Variants in PRKCA observed in about 807,000 individuals in gnomAD.
PRKCA encodes protein kinase C alpha type.
PRKCA carries 27 observed loss-of-function variants against 87.0 expected under a neutral mutation model. The ratio of observed to expected loss-of-function variants is 0.31; its 90% confidence interval spans 0.23 to 0.43. PRKCA has a LOEUF of 0.43. Ranked by LOEUF, PRKCA falls within the 20% of genes least tolerant of loss-of-function variation. PRKCA has a pLI of 1.00. For synonymous variants in PRKCA, 329 were observed against 311.1 expected (o/e 1.06, Z -0.61); for missense variants, 518 against 852.3 (o/e 0.61, Z 4.88).
chr17:66,707,661 C>T (rs1438472938), intron 8 of PRKCA, among the ~76,000 whole-genome samples: 1 of 152,188 alleles, frequency 6.6e-6, no homozygotes, highest in Non-Finnish European at 1.5e-5. Flanking sequence ...GTGTCAAGCA[C>T]TGTCCCTGGG....
intron 3 of PRKCA, among the ~76,000 whole-genome samples, chr17:66,580,504 C>T (rs1485326923): frequency 1.3e-5 from 2 of 152,204 alleles, no homozygotes; most frequent in African/African-American, 4.8e-5. Context: ...GACACTGAGC[C>T]ATGTTTGGGC....
chr17:66,745,221 G>C (rs977255762), intron 13 of PRKCA, among the ~76,000 whole-genome samples: 6 of 152,208 alleles, frequency 3.9e-5, no homozygotes, highest in Admixed American at 3.3e-4. Flanking sequence ...ACACACTTCT[G>C]TCATGTCTTG....
chr17:66,617,144 G>A (rs543249706), intron 3 of PRKCA, among the ~76,000 whole-genome samples: 174 of 150,182 alleles, frequency 1.2e-3, no homozygotes, highest in African/African-American at 4.1e-3. Flanking sequence ...AAGATCAAAG[G>A]AGGCACATGT....
At chr17:66,507,384 A>G (rs748255262) in intron 3 of PRKCA, among the ~76,000 whole-genome samples, 1 of 152,094 alleles carries the variant, frequency 6.6e-6, no homozygotes, top group Non-Finnish European at 1.5e-5. Flanking sequence ...TTCTTTTTCC[A>G]CAGTACCACG....
chr17:66,371,828 C>T (rs941787023), intron 2 of PRKCA, among the ~76,000 whole-genome samples: 3 of 152,186 alleles, frequency 2.0e-5, no homozygotes, highest in African/African-American at 7.2e-5. Flanking sequence ...TGGATTTTCA[C>T]CTTCAAAGTG....
At chr17:66,770,780 G>A (rs553232004) in intron 13 of PRKCA, among the ~76,000 whole-genome samples, 1 of 152,286 alleles carries the variant, frequency 6.6e-6, no homozygotes, top group South Asian at 2.1e-4. Flanking sequence ...GATGTGGAGG[G>A]TTGCAGTGTC....
intron 5 of PRKCA, among the ~76,000 whole-genome samples, chr17:66,651,004 G>A (rs1971578756): frequency 6.6e-6 from 1 of 152,188 alleles, no homozygotes; most frequent in Non-Finnish European, 1.5e-5. Context: ...GCATGAAAAA[G>A]AATTGGCGGG....
chr17:66,532,865 C>T (rs535291766), intron 3 of PRKCA, among the ~76,000 whole-genome samples: 9 of 152,198 alleles, frequency 5.9e-5, no homozygotes, highest in Non-Finnish European at 1.3e-4. Context: ...GGTTTATTCC[C>T]AGCAGCTGAT....
chr17:66,752,108 G>T (rs1012778401), intron 13 of PRKCA, among the ~76,000 whole-genome samples: 2 of 152,136 alleles, frequency 1.3e-5, no homozygotes, highest in Non-Finnish European at 2.9e-5. Flanking sequence ...TTAAGAACTT[G>T]GGGTGACATC....
At chr17:66,353,113 A>C (rs879536177) in intron 2 of PRKCA, among the ~76,000 whole-genome samples, 5 of 152,178 alleles carry the variant, frequency 3.3e-5, no homozygotes, top group Non-Finnish European at 5.9e-5. Flanking sequence ...GATCTACTAC[A>C]CAGCTGGGTG....
intron 2 of PRKCA, among the ~76,000 whole-genome samples, chr17:66,388,113 G>A (rs1910164648): frequency 6.6e-6 from 1 of 152,092 alleles, no homozygotes; most frequent in Admixed American, 6.6e-5. Flanking sequence ...GATAGATCCA[G>A]GAATGGCCAA....
chr17:66,564,081 T>C (rs1968812555), intron 3 of PRKCA, among the ~76,000 whole-genome samples: 1 of 151,632 alleles, frequency 6.6e-6, no homozygotes, highest in Admixed American at 6.6e-5. Context: ...CTTCTTTCTT[T>C]CTCTTTCTTT....
At chr17:66,759,927 G>A (rs1024943964) in intron 13 of PRKCA, among the ~76,000 whole-genome samples, 16 of 152,120 alleles carry the variant, frequency 1.1e-4, no homozygotes, top group African/African-American at 3.9e-4. Context: ...AAATACATAC[G>A]GCCAAACATG....
intron 2 of PRKCA, among the ~76,000 whole-genome samples, chr17:66,420,639 G>A (rs1029645478): frequency 6.6e-6 from 1 of 152,164 alleles, no homozygotes; most frequent in Non-Finnish European, 1.5e-5. Context: ...CTACGATATG[G>A]TGTTAGGTGT....
In PRKCA at chr17:66,574,358, T is replaced by C. The variant is rs1228877800; in HGVS notation, c.289-66997T>C. Among the ~76,000 whole-genome samples the C allele has an allele frequency of 2.0e-5, 3 of 152,186 alleles. No individual in the cohort carries two copies. In the East Asian group the frequency reaches 5.8e-4, roughly 29 times the overall value. On this transcript the variant is annotated intron_variant, in intron 3 of 16. Coordinates refer to ENST00000413366, the MANE Select transcript of PRKCA (RefSeq NM_002737.3). ...AGCTCCGAGCCTTGGACAAGTCACT[T>C]AACCTCTAACCCTCAGTCAGTCTCT...
chr17:66,376,746 C>T (rs982302730), intron 2 of PRKCA, among the ~76,000 whole-genome samples: 5 of 152,102 alleles, frequency 3.3e-5, no homozygotes, highest in South Asian at 4.2e-4. Flanking sequence ...TCTGGGGAGC[C>T]GTCCTGGGCA....
intron 2 of PRKCA, among the ~76,000 whole-genome samples, chr17:66,453,604 C>T (rs2143932598): frequency 6.6e-6 from 1 of 152,252 alleles, no homozygotes; most frequent in South Asian, 2.1e-4. Context: ...AGACGTGAGC[C>T]ACTGCGCCCA....
chr17:66,750,605 G>A (rs1974406853), intron 13 of PRKCA, among the ~76,000 whole-genome samples: 1 of 152,102 alleles, frequency 6.6e-6, no homozygotes, highest in Non-Finnish European at 1.5e-5. Context: ...CGATATTGTG[G>A]TCTATGAAAC....
chr17:66,451,635 C>T (rs1215521110), intron 2 of PRKCA, among the ~76,000 whole-genome samples: 1 of 152,058 alleles, frequency 6.6e-6, no homozygotes, highest in Non-Finnish European at 1.5e-5. Context: ...TTTGTATTTG[C>T]TTTTCTGGTC....
Sources: allele counts gnomAD v4.1 joint callset (sites outside exome capture counted in the v4.1 genomes callset), GRCh38; gene constraint gnomAD v4.1.1; transcripts MANE v1.5; gene names NCBI Gene and HGNC (gene_info 2026-07-23, HGNC 2026-07-21).